Variants in PCDHA4 observed in about 807,000 individuals in gnomAD.
PCDHA4 encodes the protein protocadherin alpha-4.
In PCDHA4, 49 loss-of-function variants were observed where a neutral mutation model predicts 61.4. That is an observed-to-expected ratio of 0.80 (90% CI 0.63 to 1.01). The LOEUF (loss-of-function observed/expected upper bound fraction) is 1.01, where lower values mean the gene tolerates loss of function less well. Among genes scored for constraint, PCDHA4 ranks in the 50% least tolerant of loss-of-function variants. The pLI is 0.00. For synonymous variants in PCDHA4, 590 were observed against 550.3 expected (o/e 1.07, Z -1.01); for missense variants, 1,254 against 1,235.8 (o/e 1.01, Z -0.22).
At chr5:140,984,192 A>G (rs1233193080) in intron 3 of PCDHA4, among the ~76,000 whole-genome samples, 31 of 152,144 alleles carry the variant, frequency 2.0e-4, no homozygotes, top group Admixed American at 2.0e-3. Context: ...ATGACTTTCT[A>G]CCTTGCCTTT....
chr5:140,893,433 G>A (rs1441735373), intron 1 of PCDHA4, among the ~76,000 whole-genome samples: 3 of 152,006 alleles, frequency 2.0e-5, no homozygotes, highest in African/African-American at 4.8e-5. Context: ...CAGGAAGATC[G>A]CTTGAAGCCA....
At chr5:140,810,218 C>T (rs1352076504) in intron 1 of PCDHA4, 3 of 152,150 alleles carry the variant, frequency 2.0e-5, no homozygotes, top group African/African-American at 7.2e-5. Context: ...CATAAATATA[C>T]TATACCTTAT....
chr5:140,824,094 A>G (rs1767995736), intron 1 of PCDHA4: 1 of 1,614,038 alleles, frequency 6.2e-7, no homozygotes, highest in Non-Finnish European at 8.5e-7. Context: ...CCTTCAGTCC[A>G]AGCCTTCCTC....
chr5:140,848,811 C>T (rs2150421189), intron 1 of PCDHA4: 1 of 1,591,760 alleles, frequency 6.3e-7, no homozygotes, highest in Non-Finnish European at 8.6e-7. Flanking sequence ...CAGCATCCAC[C>T]TGGAGGTGAT....
At chr5:140,816,902 C>T (rs2126676143) in intron 1 of PCDHA4, 2 of 152,180 alleles carry the variant, frequency 1.3e-5, no homozygotes, top group African/African-American at 4.8e-5. Flanking sequence ...TTCTGAGAAG[C>T]CCTCAGTTAT....
intron 1 of PCDHA4, among the ~76,000 whole-genome samples, chr5:140,881,049 A>C (rs990514512): frequency 6.6e-6 from 1 of 152,238 alleles, no homozygotes; most frequent in Admixed American, 6.5e-5. Flanking sequence ...AGAGTTGTGC[A>C]CAGAACAGGC....
intron 1 of PCDHA4, chr5:140,841,972 G>A: frequency 6.2e-7 from 1 of 1,613,874 alleles, no homozygotes; most frequent in East Asian, 2.2e-5. Context: ...CCACAGATGG[G>A]GGCAAACCTG....
At chr5:140,968,781 C>G in intron 1 of PCDHA4, 1 of 1,614,182 alleles carries the variant, frequency 6.2e-7, no homozygotes. Context: ...TCACTATCAG[C>G]CTCTGTGGCC....
At chr5:141,006,390 T>G (rs539931677) in intron 3 of PCDHA4, among the ~76,000 whole-genome samples, 149 of 152,058 alleles carry the variant, frequency 9.8e-4, no homozygotes, top group African/African-American at 3.0e-3. Context: ...TTTTTTCTAT[T>G]TTTTAGTAGA....
chr5:140,824,182 T>A, intron 1 of PCDHA4: 1 of 1,608,398 alleles, frequency 6.2e-7, no homozygotes, highest in South Asian at 1.1e-5. Context: ...AAATATTAAA[T>A]GTCACATTCA....
chr5:140,949,068 CTT>C (rs1199095008), intron 1 of PCDHA4, among the ~76,000 whole-genome samples: 2 of 151,676 alleles, frequency 1.3e-5, no homozygotes, highest in African/African-American at 4.8e-5. Context: ...TGATTTAACT[CTT>C]TCACCCATTT....
At chr5:140,821,492 A>G (rs2150109637) in intron 1 of PCDHA4, 154 of 305,448 alleles carry the variant, frequency 5.0e-4, no homozygotes, top group Middle Eastern at 9.3e-4. Context: ...CTTGAGAAAT[A>G]TTGACGAATA....
At chr5:140,907,377 C>T (rs2073348359) in intron 1 of PCDHA4, among the ~76,000 whole-genome samples, 1 of 152,124 alleles carries the variant, frequency 6.6e-6, no homozygotes, top group Non-Finnish European at 1.5e-5. Context: ...AAAGTGAGTG[C>T]CTTGGTCAAA....
At chr5:140,824,202 T>C in intron 1 of PCDHA4, 1 of 1,595,300 alleles carries the variant, frequency 6.3e-7, no homozygotes, top group African/African-American at 1.3e-5. Flanking sequence ...ACCCACTTTT[T>C]TTGTATTTAA....
intron 1 of PCDHA4, chr5:140,836,477 G>A: frequency 1.9e-6 from 3 of 1,613,846 alleles, no homozygotes; most frequent in South Asian, 1.1e-5. Flanking sequence ...ATGTCAACGT[G>A]TACCTGATCA....
At chr5:140,937,199 G>T (rs2091405017) in intron 1 of PCDHA4, among the ~76,000 whole-genome samples, 1 of 151,792 alleles carries the variant, frequency 6.6e-6, no homozygotes, top group African/African-American at 2.4e-5. Flanking sequence ...CACCATGCCC[G>T]GCTAATTTTT....
intron 1 of PCDHA4, chr5:140,969,617 A>G (rs2096348108): frequency 4.3e-6 from 3 of 705,552 alleles, no homozygotes; most frequent in Non-Finnish European, 6.8e-6. Context: ...ACAGATTTGT[A>G]GAGAAACAGG....
intron 1 of PCDHA4, among the ~76,000 whole-genome samples, chr5:140,915,396 C>T (rs1554196881): frequency 6.6e-6 from 1 of 152,116 alleles, no homozygotes; most frequent in African/African-American, 2.4e-5. Context: ...CTAGGTATTT[C>T]TTATAGTCTT....
intron 1 of PCDHA4, chr5:140,882,650 G>A (rs782695823): frequency 8.1e-6 from 13 of 1,614,212 alleles, no homozygotes; most frequent in Non-Finnish European, 8.5e-6. Context: ...GGACATTAAC[G>A]ACAACCCGCC....
Sources: gnomAD v4.1 joint callset for allele counts (sites outside exome capture counted in the v4.1 genomes callset) on GRCh38, gnomAD v4.1.1 for gene constraint, MANE v1.5 for transcripts, NCBI Gene and HGNC (gene_info 2026-07-23, HGNC 2026-07-21) for gene names.